Variants in CDC42BPB observed in about 807,000 individuals in gnomAD.
CDC42BPB encodes the protein serine/threonine-protein kinase MRCK beta.
A neutral mutation model predicts 214.9 loss-of-function variants in CDC42BPB; 37 were observed. The observed-to-expected ratio is 0.17, with a 90% CI of 0.13 to 0.23. CDC42BPB has a LOEUF of 0.23. Among genes scored for constraint, CDC42BPB ranks in the 10% least tolerant of loss-of-function variants. The pLI, the probability that CDC42BPB is intolerant of heterozygous loss-of-function variation, is 1.00. For missense variants in CDC42BPB, 1,694 were observed against 2,227.0 expected (o/e 0.76, Z 4.82); for synonymous variants, 931 against 884.0 (o/e 1.05, Z -0.94).
At chr14:103,019,183 C>T (rs1256120321) in intron 1 of CDC42BPB, among the ~76,000 whole-genome samples, 4 of 152,170 alleles carry the variant, frequency 2.6e-5, no homozygotes, top group Admixed American at 2.6e-4. Context: ...ATCCTCCCGC[C>T]TTGGCCTCCC....
rs147781622 is a variant in CDC42BPB at position 102,968,352 on chromosome 14, G to A, written c.2247C>T (p.Asn749=). 32 of 1,613,604 alleles carry A rather than the reference G, an allele frequency of 2.0e-5. No homozygotes were observed. The highest frequency in any genetic ancestry group is 1.3e-4 in the South Asian group (12 of 91,004). ...TTGTACCTACTGCCTCCTCCATCTC[G>A]TTATGCCTGCCAAGGTGAGCGAGAA... ...KLEKSKRERH[N]EMEEAVGTIK... Residue 749 remains asparagine, a synonymous_variant, in exon 16 of 37, where the codon AAC becomes AAT. Transcript: ENST00000361246.
At chr14:103,029,308 G>A (rs954052223) in intron 1 of CDC42BPB, among the ~76,000 whole-genome samples, 32 of 152,192 alleles carry the variant, frequency 2.1e-4, no homozygotes, top group African/African-American at 5.5e-4. Flanking sequence ...TTGGGAGGCC[G>A]AGGTGGGTGG....
chr14:102,934,126 G>A, intron 36 of CDC42BPB: 1 of 798,116 alleles, frequency 1.3e-6, no homozygotes. Context: ...GCCGGACGCA[G>A]TGGCTCCTGC....
At position 102,959,635 on chromosome 14, in the gene CDC42BPB, A is replaced by T; in HGVS notation, c.2897T>A (p.Phe966Tyr). Residue 966 changes from phenylalanine to tyrosine, a missense_variant, in exon 21 of 37, where the codon TTT becomes TAT. Phe to Tyr is a conservative substitution (Grantham distance 22, BLOSUM62 3). Coordinates refer to ENST00000361246, the MANE Select transcript of CDC42BPB (RefSeq NM_006035.4). ...AAAAAAAAAACAATGACTTACTCTA[A>T]ATGTCAGGTCATGTGCAAGAGGAGC... ...NTAPLAHDLT[F>Y]RTSSASEQET... 1 of 1,600,148 alleles carries T rather than the reference A, an allele frequency of 6.2e-7. No individual in the cohort carries two copies. The highest frequency in any genetic ancestry group is 8.5e-7 in the Non-Finnish European group (1 of 1,171,632).
rs894796078 is a variant in CDC42BPB, at chr14:103,004,599, G to A, written c.352-576C>T. Reference sequence around the variant, plus strand: ...TCCAAAAGAGTTTTAATGCCCAGGTGGCATCTCCGTTTAAAAGTCACCAGG... The same window carrying A: ...TCCAAAAGAGTTTTAATGCCCAGGTAGCATCTCCGTTTAAAAGTCACCAGG... On this transcript the variant is annotated intron_variant, in intron 3 of 36. Coordinates refer to ENST00000361246, the MANE Select transcript of CDC42BPB (RefSeq NM_006035.4). This position sits in a 1 kb window ranked among gnomAD's most constrained non-coding sequence, Gnocchi z 5.3. Among the ~76,000 whole-genome samples, 10 of 152,178 alleles carry A rather than the reference G, an allele frequency of 6.6e-5. No individual in the cohort carries two copies. Among genetic ancestry groups the A allele is most frequent in the African/African-American group, 1.9e-4 (8 of 41,442 alleles).
intron 1 of CDC42BPB, among the ~76,000 whole-genome samples, chr14:103,027,240 T>C (rs1300111900): frequency 5.9e-5 from 9 of 152,176 alleles, no homozygotes; most frequent in South Asian, 2.1e-4. Flanking sequence ...GCTAGTGAGA[T>C]TGTAAAATGA....
At chr14:103,025,852 G>A (rs1050921934) in intron 1 of CDC42BPB, among the ~76,000 whole-genome samples, 45 of 150,456 alleles carry the variant, frequency 3.0e-4, no homozygotes, top group African/African-American at 1.0e-3. Flanking sequence ...CAACACTGAT[G>A]AATCACACGG....
intron 1 of CDC42BPB, among the ~76,000 whole-genome samples, chr14:103,050,056 C>T (rs1019472722): frequency 6.6e-6 from 1 of 152,162 alleles, no homozygotes; most frequent in Non-Finnish European, 1.5e-5. Flanking sequence ...CTTTTGGGGT[C>T]AATTTCAAAT....
At chr14:102,941,118 C>T (rs998240470) in intron 30 of CDC42BPB, 13 of 985,272 alleles carry the variant, frequency 1.3e-5, no homozygotes, top group Admixed American at 6.1e-5. Flanking sequence ...GTGCGTCTTC[C>T]GCTCAGTCCC....
intron 1 of CDC42BPB, among the ~76,000 whole-genome samples, chr14:103,031,807 A>G (rs1887392576): frequency 6.6e-6 from 1 of 152,100 alleles, no homozygotes; most frequent in Non-Finnish European, 1.5e-5. Context: ...AAGCTGATGT[A>G]CCAGAGACTA....
At chr14:102,964,377 G>T (rs1424407773) in intron 19 of CDC42BPB, 125 bp downstream of exon 19, 1 of 1,161,086 alleles carries the variant, frequency 8.6e-7, no homozygotes, top group African/African-American at 1.6e-5. Flanking sequence ...TGCCTCCTAA[G>T]GCTCCAGCAA....
intron 8 of CDC42BPB, 127 bp from the exon 9 acceptor site, chr14:102,978,332 T>C: frequency 1.3e-6 from 2 of 1,505,406 alleles, no homozygotes; most frequent in East Asian, 4.9e-5. Flanking sequence ...AGAATGCGGA[T>C]TCCATGGTGT....
chr14:103,020,023 C>T (rs1886681016), intron 1 of CDC42BPB, among the ~76,000 whole-genome samples: 1 of 152,190 alleles, frequency 6.6e-6, no homozygotes, highest in Non-Finnish European at 1.5e-5. Flanking sequence ...GTGGGAGGGT[C>T]TGAGGAAAGA....
rs34519016 is a variant in CDC42BPB, at chr14:103,024,186, G to A, written c.176-11998C>T. ...GACAGCCAGGAAGAGAACCGTCTAC[G>A]CATCTTCCTCCTGGAAGGCCTCGGA... is the stretch of plus-strand genomic sequence containing the variant. On this transcript the variant is annotated intron_variant, in intron 1 of 36. Transcript: ENST00000361246. Among the ~76,000 whole-genome samples, 72 of 152,342 alleles carry A rather than the reference G, an allele frequency of 4.7e-4. 1 individual carries two copies. In the East Asian group the frequency reaches 0.01, roughly 21 times the overall value.
intron 1 of CDC42BPB, among the ~76,000 whole-genome samples, chr14:103,019,775 A>T (rs780816122): frequency 7.2e-5 from 11 of 152,200 alleles, no homozygotes; most frequent in Non-Finnish European, 1.6e-4. Flanking sequence ...TCCTACCCCG[A>T]ACTGTCCCCT....
At chr14:103,034,148 T>A (rs935128754) in intron 1 of CDC42BPB, among the ~76,000 whole-genome samples, 1 of 152,220 alleles carries the variant, frequency 6.6e-6, no homozygotes, top group Non-Finnish European at 1.5e-5. Flanking sequence ...TAAGTCTTCC[T>A]TTCCAATGTG....
chr14:102,999,830 C>T lies in CDC42BPB; in HGVS notation c.448-117G>A, dbSNP rs1335138878. ...AGGCTCCAGGTCTGGCTCGTGGCAT[C>T]TCAGCTGCTCTTCTGTCACCCAAGA... On this transcript the variant is annotated intron_variant, in intron 4 of 36. Transcript: ENST00000361246. 4 of 1,497,044 alleles carry T rather than the reference C, an allele frequency of 2.7e-6. No individual in the cohort carries two copies. In the East Asian group the frequency reaches 9.7e-5, roughly 36 times the overall value. The allele number at this position is 1,497,044 out of a possible 1,614,324, so 92.7% of individuals were successfully genotyped here.
At chr14:103,043,646 C>T (rs1888132114) in intron 1 of CDC42BPB, among the ~76,000 whole-genome samples, 1 of 151,304 alleles carries the variant, frequency 6.6e-6, no homozygotes, top group South Asian at 2.1e-4. Flanking sequence ...ACAGGTAAAT[C>T]ATGCATGACT....
intron 5 of CDC42BPB, among the ~76,000 whole-genome samples, chr14:102,998,150 G>A (rs1894825172): frequency 6.6e-6 from 1 of 152,156 alleles, no homozygotes; most frequent in African/African-American, 2.4e-5. Flanking sequence ...AAATAAAAAT[G>A]AAAAGGATGA....
Sources: allele counts gnomAD v4.1 joint callset (sites outside exome capture counted in the v4.1 genomes callset), GRCh38; gene constraint gnomAD v4.1.1; non-coding constraint Gnocchi (gnomAD v3.1); transcripts MANE v1.5; gene names NCBI Gene and HGNC (gene_info 2026-07-23, HGNC 2026-07-21).